ARB2A: variants seen among roughly 807,000 people sequenced by gnomAD.
ARB2A encodes ARB2 cotranscriptional regulator A.
the ARB2A span, among the ~76,000 whole-genome samples, chr5:93,759,804 A>C: frequency 6.6e-6 from 1 of 152,214 alleles, no homozygotes; most frequent in East Asian, 1.9e-4. Flanking sequence ...TGAATGGAGA[A>C]AAGTGGAAAG....
At chr5:94,092,141 G>T in the ARB2A span, among the ~76,000 whole-genome samples, 6 of 149,140 alleles carry the variant, frequency 4.0e-5, no homozygotes, top group East Asian at 1.2e-3. Flanking sequence ...CGTTTGACCA[G>T]CCTGGCCAAC....
At chr5:94,111,354 C>G in the ARB2A span, among the ~76,000 whole-genome samples, 1 of 152,162 alleles carries the variant, frequency 6.6e-6, no homozygotes, top group Admixed American at 6.5e-5. Context: ...GGCCCAGACA[C>G]AAGTCAGAGG....
At chr5:93,629,977 G>A in the ARB2A span, among the ~76,000 whole-genome samples, 1,069 of 152,200 alleles carry the variant, frequency 7.0e-3, 13 homozygotes, top group African/African-American at 0.022. Flanking sequence ...TGTAATATGC[G>A]TTATTGAGTC....
chr5:93,947,762 C>T, the ARB2A span, among the ~76,000 whole-genome samples: 2 of 145,944 alleles, frequency 1.4e-5, no homozygotes, highest in East Asian at 4.1e-4. Context: ...TGAGAATATG[C>T]AGTGTTTGGT....
the ARB2A span, among the ~76,000 whole-genome samples, chr5:93,825,460 A>G: frequency 6.6e-6 from 1 of 152,142 alleles, no homozygotes; most frequent in Non-Finnish European, 1.5e-5. Context: ...GTAAAGCATC[A>G]ATGATTTTAC....
At chr5:94,053,538 G>A in the ARB2A span, among the ~76,000 whole-genome samples, 1 of 151,964 alleles carries the variant, frequency 6.6e-6, no homozygotes, top group Non-Finnish European at 1.5e-5. Flanking sequence ...AAAAGTTTCA[G>A]ACATTAATAT....
the ARB2A span, among the ~76,000 whole-genome samples, chr5:93,817,578 C>G: frequency 6.6e-6 from 1 of 152,228 alleles, no homozygotes; most frequent in East Asian, 1.9e-4. Context: ...AAACTTACCA[C>G]AAAGCTACAG....
the ARB2A span, among the ~76,000 whole-genome samples, chr5:93,831,176 C>T: frequency 6.6e-6 from 1 of 151,978 alleles, no homozygotes; most frequent in Non-Finnish European, 1.5e-5. Flanking sequence ...CAGTTCCTAA[C>T]AGGCCATGGA....
chr5:94,110,693 A>G, the ARB2A span, among the ~76,000 whole-genome samples: 10 of 152,260 alleles, frequency 6.6e-5, no homozygotes, highest in Admixed American at 1.3e-4. Flanking sequence ...GTTATGCAGT[A>G]TATGGCATGC....
At chr5:94,076,073 T>C in the ARB2A span, among the ~76,000 whole-genome samples, 2 of 152,230 alleles carry the variant, frequency 1.3e-5, no homozygotes, top group Admixed American at 1.3e-4. Context: ...ACATCCATGT[T>C]AGCTTATTTT....
At chr5:94,058,533 G>A in the ARB2A span, among the ~76,000 whole-genome samples, 123 of 152,140 alleles carry the variant, frequency 8.1e-4, no homozygotes, top group Admixed American at 4.6e-3. Flanking sequence ...AGAAATTTAA[G>A]CTTCTATACA....
At chr5:93,837,102 T>C in the ARB2A span, among the ~76,000 whole-genome samples, 3 of 152,156 alleles carry the variant, frequency 2.0e-5, no homozygotes, top group Non-Finnish European at 2.9e-5. Flanking sequence ...TAGTACCCAA[T>C]AGGTATGTTT....
chr5:93,852,303 T>C, the ARB2A span, among the ~76,000 whole-genome samples: 1 of 152,118 alleles, frequency 6.6e-6, no homozygotes, highest in African/African-American at 2.4e-5. Flanking sequence ...ATGGGGTTGT[T>C]TGTTTTTTTC....
chr5:93,807,155 G>T, the ARB2A span, among the ~76,000 whole-genome samples: 1 of 151,954 alleles, frequency 6.6e-6, no homozygotes, highest in Non-Finnish European at 1.5e-5. Flanking sequence ...ATAGCTAATA[G>T]GTTGGAGGTA....
chr5:93,743,741 A>G, the ARB2A span, among the ~76,000 whole-genome samples: 1 of 146,582 alleles, frequency 6.8e-6, no homozygotes. Context: ...ATCTCGGCTC[A>G]CTGCAGTCTC....
chr5:93,762,743 T>C, the ARB2A span, among the ~76,000 whole-genome samples: 3 of 151,970 alleles, frequency 2.0e-5, no homozygotes, highest in South Asian at 2.1e-4. Context: ...CCAAGACACA[T>C]AATTGTCAGA....
At chr5:93,827,480 T>C in the ARB2A span, among the ~76,000 whole-genome samples, 2 of 152,212 alleles carry the variant, frequency 1.3e-5, no homozygotes, top group Non-Finnish European at 1.5e-5. Context: ...GAGTTCATTG[T>C]AGATTCTGGA....
chr5:93,829,664 T>C, the ARB2A span, among the ~76,000 whole-genome samples: 7 of 152,204 alleles, frequency 4.6e-5, no homozygotes, highest in African/African-American at 1.4e-4. Context: ...TGTAGTCATA[T>C]ATTAAAATAC....
chr5:93,778,706 C>A, the ARB2A span, among the ~76,000 whole-genome samples: 6 of 152,114 alleles, frequency 3.9e-5, no homozygotes, highest in Admixed American at 2.0e-4. Context: ...GGTGATATGT[C>A]GGTCTTCCTA....
Sources: allele counts gnomAD v4.1 joint callset (sites outside exome capture counted in the v4.1 genomes callset), GRCh38; gene constraint gnomAD v4.1.1; transcripts MANE v1.5; gene names NCBI Gene and HGNC (gene_info 2026-07-23, HGNC 2026-07-21).